CPM: variants seen among roughly 807,000 people sequenced by gnomAD.
CPM encodes renal carboxypeptidase.
Under a neutral mutation model 46.4 loss-of-function variants are expected in CPM, and 35 were observed. The ratio of observed to expected loss-of-function variants is 0.75; its 90% confidence interval spans 0.58 to 1.00. The LOEUF is 1.00. CPM is among the 50% of genes least tolerant of loss of function. CPM has a pLI of 0.00. For missense variants in CPM, 422 were observed against 530.4 expected (o/e 0.80, Z 2.01); for synonymous variants, 195 against 195.3 (o/e 1.00, Z 0.01).
intron 7 of CPM, among the ~76,000 whole-genome samples, chr12:68,859,470 C>T (rs1355663169): frequency 1.3e-5 from 2 of 152,146 alleles, no homozygotes; most frequent in East Asian, 1.9e-4. Flanking sequence ...AAAATATTTA[C>T]GTGTGCGAGG....
chr12:68,919,372 T>C (rs895554184), intron 2 of CPM, among the ~76,000 whole-genome samples: 2 of 152,234 alleles, frequency 1.3e-5, no homozygotes, highest in African/African-American at 4.8e-5. Context: ...GCCTTGTTTT[T>C]TGTTTGCCTC....
rs776503050 is a variant in CPM, at chr12:68,862,245, T to C, written c.941-3174A>G. On this transcript the variant is annotated intron_variant, in intron 7 of 8. Coordinates refer to ENST00000551568, the MANE Select transcript of CPM (RefSeq NM_198320.5). The stretch of plus-strand genomic sequence containing the variant: ...CTAATAACCCAAAGATTCACTTTCT[T>C]TTTTTTTAAATTGAAGTCTCCCTCT... Among the ~76,000 whole-genome samples, 20 of 139,156 alleles carry C rather than the reference T, an allele frequency of 1.4e-4. 1 individual carries two copies. The highest frequency in any genetic ancestry group is 2.3e-4 in the Non-Finnish European group (15 of 63,862). The allele number at this position is 139,156 out of a possible 152,430, so 91.3% of individuals were successfully genotyped here.
downstream of CPM, chr12:68,847,452 C>CTTTTTTT (rs772905678): frequency 0.18 from 16,189 of 87,724 alleles, 3,017 homozygotes; most frequent in Non-Finnish European, 0.23. Flanking sequence ...TATCTCCTTT[C>CTTTTTTT]TTTTTTTTTT....
chr12:68,933,342 C>G (rs1347802306), upstream of CPM: 1 of 151,896 alleles, frequency 6.6e-6, no homozygotes, highest in Non-Finnish European at 1.5e-5. Flanking sequence ...TGCGCCCTTT[C>G]GTGGCGCGGC....
intron 2 of CPM, among the ~76,000 whole-genome samples, chr12:68,919,119 A>T (rs1479090659): frequency 1.3e-5 from 2 of 151,854 alleles, no homozygotes; most frequent in Admixed American, 1.3e-4. Flanking sequence ...AGGCTATAAG[A>T]TCTAGCTGAC....
At chr12:68,849,390 G>GT (rs67479332), downstream of CPM, 3,845 of 129,108 alleles carry the variant, frequency 0.03, 149 homozygotes, top group African/African-American at 0.081. Context: ...GCGCCTGGCC[G>GT]TTTTTTTTTT....
upstream of CPM, among the ~76,000 whole-genome samples, chr12:68,936,853 A>G (rs576832397): frequency 2.0e-5 from 3 of 152,392 alleles, no homozygotes; most frequent in Non-Finnish European, 4.4e-5. Context: ...GGAAGAAGGA[A>G]TTAATGCTCT....
At chr12:68,897,160 C>T (rs1886906251) in intron 2 of CPM, among the ~76,000 whole-genome samples, 1 of 152,020 alleles carries the variant, frequency 6.6e-6, no homozygotes, top group Non-Finnish European at 1.5e-5. Context: ...TTCCTCTAAA[C>T]ATTTAAATTT....
chr12:68,926,467 C>T (rs891751705), intron 2 of CPM, among the ~76,000 whole-genome samples: 2 of 152,054 alleles, frequency 1.3e-5, no homozygotes, highest in Admixed American at 6.5e-5. Context: ...CAAATGTGCC[C>T]AAACCATGGT....
At chr12:68,950,308 T>C (rs928813224) in intron 1 of CPM, among the ~76,000 whole-genome samples, 4 of 152,092 alleles carry the variant, frequency 2.6e-5, no homozygotes, top group Non-Finnish European at 5.9e-5. Flanking sequence ...TTGAAAAAGG[T>C]AGGAAATAAT....
intron 2 of CPM, among the ~76,000 whole-genome samples, chr12:68,893,111 G>A (rs1481896754): frequency 2.1e-5 from 3 of 141,964 alleles, no homozygotes; most frequent in Non-Finnish European, 3.0e-5. Flanking sequence ...CTCTGCACAC[G>A]TATCCCAGAA....
At chr12:68,929,476 CT>C (rs1455328366) in intron 2 of CPM, among the ~76,000 whole-genome samples, 1 of 152,088 alleles carries the variant, frequency 6.6e-6, no homozygotes, top group Non-Finnish European at 1.5e-5. Context: ...GTCATCAGTA[CT>C]TTTTTGCTTC....
At chr12:68,913,830 TGATG>T in intron 2 of CPM, 1 of 642,156 alleles carries the variant, frequency 1.6e-6, no homozygotes, top group South Asian at 1.4e-5. Context: ...TTCCAGAGTA[TGATG>T]GTAACAACTC....
chr12:68,921,709 A>G (rs1190907703), intron 2 of CPM, among the ~76,000 whole-genome samples: 4 of 152,290 alleles, frequency 2.6e-5, no homozygotes, highest in African/African-American at 7.2e-5. Flanking sequence ...TCTCTAAGTT[A>G]TCATATTATT....
chr12:68,923,242 T>A (rs1888116082), intron 2 of CPM, among the ~76,000 whole-genome samples: 1 of 1,146 alleles, frequency 8.7e-4, no homozygotes, highest in African/African-American at 8.2e-3. Context: ...TAAGGTTTTC[T>A]TTTGTTTTTT....
chr12:68,938,415 C>T (rs979062843), intron 1 of CPM, among the ~76,000 whole-genome samples: 1 of 151,712 alleles, frequency 6.6e-6, no homozygotes, highest in African/African-American at 2.4e-5. Context: ...AAAAAATCCC[C>T]AAACCCCAAA....
intron 3 of CPM, among the ~76,000 whole-genome samples, chr12:68,885,210 G>T (rs553266973): frequency 1.3e-5 from 2 of 152,312 alleles, no homozygotes; most frequent in East Asian, 3.9e-4. Flanking sequence ...CTCCCAAATT[G>T]CTGGGATTAT....
intron 1 of CPM, among the ~76,000 whole-genome samples, chr12:68,948,888 T>C (rs1011708341): frequency 5.3e-5 from 8 of 152,158 alleles, no homozygotes; most frequent in African/African-American, 1.7e-4. Context: ...CCTTGGACCA[T>C]TGCTCAGTAG....
intron 2 of CPM, among the ~76,000 whole-genome samples, chr12:68,917,908 T>C (rs940966741): frequency 5.3e-5 from 8 of 152,220 alleles, no homozygotes; most frequent in African/African-American, 1.9e-4. Context: ...CATGCATTCC[T>C]GAGAAACATG....
Sources: allele counts gnomAD v4.1 joint callset (sites outside exome capture counted in the v4.1 genomes callset), GRCh38; gene constraint gnomAD v4.1.1; transcripts MANE v1.5; gene names NCBI Gene and HGNC (gene_info 2026-07-23, HGNC 2026-07-21).